Variants in CEP192 observed in about 807,000 individuals in gnomAD.
The protein encoded by CEP192 is centrosomal protein of 192 kDa.
A neutral mutation model predicts 271.8 loss-of-function variants in CEP192; 151 were observed. That is an observed-to-expected ratio of 0.56 (90% CI 0.49 to 0.64). The LOEUF (loss-of-function observed/expected upper bound fraction) is 0.64. Among genes scored for constraint, CEP192 ranks in the 30% least tolerant of loss-of-function variants. The probability of loss-of-function intolerance (pLI) is 0.00; values close to 1 mark genes in which losing one functional copy is unlikely to be tolerated. For synonymous variants in CEP192, 995 were observed against 1,076.5 expected (o/e 0.92, Z 1.48); for missense variants, 2,910 against 3,020.5 (o/e 0.96, Z 0.86).
intron 14 of CEP192, among the ~76,000 whole-genome samples, chr18:13,041,767 T>C (rs760172089): frequency 2.6e-5 from 4 of 152,142 alleles, no homozygotes; most frequent in Non-Finnish European, 5.9e-5. Context: ...GGTTTCCCCA[T>C]GTTGGCCAGG....
intron 1 of CEP192, among the ~76,000 whole-genome samples, chr18:12,996,074 T>C (rs929238812): frequency 9.2e-5 from 14 of 152,184 alleles, no homozygotes; most frequent in Middle Eastern, 3.4e-3. Context: ...TGAGGACGTT[T>C]CAGTAATGTT....
chr18:13,003,517 C>T (rs552828882), intron 3 of CEP192, among the ~76,000 whole-genome samples: 5 of 149,954 alleles, frequency 3.3e-5, no homozygotes, highest in Non-Finnish European at 5.9e-5. Flanking sequence ...ACTATGTGGA[C>T]GCCAGGGGGA....
At chr18:13,037,204 T>G (rs1184630875) in intron 11 of CEP192, 33 bp from the exon 12 acceptor site, 3 of 860,428 alleles carry the variant, frequency 3.5e-6, no homozygotes, top group Non-Finnish European at 5.7e-6. Flanking sequence ...TAGGCATTAG[T>G]GTAATGTATT....
At chr18:13,018,906 T>C (rs2034821142) in intron 8 of CEP192, among the ~76,000 whole-genome samples, 176 bp from the exon 9 acceptor site, 1 of 152,200 alleles carries the variant, frequency 6.6e-6, no homozygotes, top group East Asian at 1.9e-4. Context: ...CAGTTTATCA[T>C]GTTTATTATT....
chr18:13,110,430 GA>G (rs2040156952), intron 40 of CEP192, among the ~76,000 whole-genome samples: 1 of 143,976 alleles, frequency 6.9e-6, no homozygotes. Flanking sequence ...ATAATCAATT[GA>G]TTTTTTTTTT....
intron 9 of CEP192, chr18:13,024,254 C>G (rs952525448): frequency 2.2e-6 from 1 of 452,854 alleles, no homozygotes; most frequent in Non-Finnish European, 4.4e-6. Flanking sequence ...CCTGCCTTAT[C>G]TCTGATAACT....
At chr18:13,075,633 G>C (rs2038231337) in intron 30 of CEP192, among the ~76,000 whole-genome samples, 1 of 152,186 alleles carries the variant, frequency 6.6e-6, no homozygotes, top group Non-Finnish European at 1.5e-5. Context: ...CCAGCCTCCA[G>C]AACTGTGAAG....
chr18:13,036,921 A>G (rs2035951821), intron 11 of CEP192, among the ~76,000 whole-genome samples: 1 of 152,226 alleles, frequency 6.6e-6, no homozygotes, highest in South Asian at 2.1e-4. Context: ...GCATTCATGG[A>G]TGAGTGCCTC....
intron 21 of CEP192, among the ~76,000 whole-genome samples, chr18:13,061,603 G>A (rs1017351333): frequency 6.6e-6 from 1 of 152,164 alleles, no homozygotes; most frequent in African/African-American, 2.4e-5. Context: ...GTTGATATTT[G>A]CACATATTAT....
At chr18:13,072,448 G>A (rs575255705) in intron 28 of CEP192, among the ~76,000 whole-genome samples, 20 of 152,242 alleles carry the variant, frequency 1.3e-4, no homozygotes, top group Admixed American at 1.2e-3. Context: ...TTCTTCACCT[G>A]GATTTTCATT....
chr18:13,070,970 A>G, intron 27 of CEP192, 69 bp from the exon 28 acceptor site: 1 of 1,305,996 alleles, frequency 7.7e-7, no homozygotes, highest in African/African-American at 1.5e-5. Context: ...GGACAATGGA[A>G]ACATATAGGA....
intron 3 of CEP192, among the ~76,000 whole-genome samples, chr18:13,006,572 T>G (rs2033993168): frequency 6.6e-6 from 1 of 152,236 alleles, no homozygotes; most frequent in Non-Finnish European, 1.5e-5. Context: ...TTCTGTAAAC[T>G]GTTCCTTTTC....
At chr18:13,048,720 C>A in intron 15 of CEP192, 139 bp from the exon 16 acceptor site, 1 of 616,192 alleles carries the variant, frequency 1.6e-6, no homozygotes, top group South Asian at 2.2e-5. Context: ...TGATTTATGG[C>A]AGTCGGATTT....
At chr18:13,007,057 C>T (rs969349548) in intron 3 of CEP192, among the ~76,000 whole-genome samples, 1 of 152,170 alleles carries the variant, frequency 6.6e-6, no homozygotes, top group Non-Finnish European at 1.5e-5. Flanking sequence ...AGTCAAGGAA[C>T]ATTTTTGTGT....
At chr18:13,026,528 CATATGTT>C (rs2035310382) in intron 9 of CEP192, among the ~76,000 whole-genome samples, 1 of 152,076 alleles carries the variant, frequency 6.6e-6, no homozygotes, top group Admixed American at 6.6e-5. Context: ...CTCTGTTATG[CATATGTT>C]ATACATTTTG....
chr18:13,020,284 A>G (rs1411036892), intron 9 of CEP192, among the ~76,000 whole-genome samples: 1 of 152,122 alleles, frequency 6.6e-6, no homozygotes, highest in Non-Finnish European at 1.5e-5. Context: ...TTCTGTCTCT[A>G]TGAATTTGCC....
intron 44 of CEP192, among the ~76,000 whole-genome samples, chr18:13,117,861 C>T (rs2040503820): frequency 6.6e-6 from 1 of 152,218 alleles, no homozygotes; most frequent in Non-Finnish European, 1.5e-5. Context: ...TGCCACAGTG[C>T]ACAGCATTTG....
intron 21 of CEP192, among the ~76,000 whole-genome samples, chr18:13,065,598 C>T (rs1159734348): frequency 6.6e-6 from 1 of 152,140 alleles, no homozygotes; most frequent in Admixed American, 6.5e-5. Context: ...AATACTATTC[C>T]TATGCAGCTC....
At chr18:13,059,517 A>G (rs1461381654) in intron 21 of CEP192, among the ~76,000 whole-genome samples, 1 of 152,208 alleles carries the variant, frequency 6.6e-6, no homozygotes. Context: ...ACTTGCTTAG[A>G]TATCTATAAA....
Sources: gnomAD v4.1 joint callset for allele counts (sites outside exome capture counted in the v4.1 genomes callset) on GRCh38, gnomAD v4.1.1 for gene constraint, MANE v1.5 for transcripts, NCBI Gene and HGNC (gene_info 2026-07-23, HGNC 2026-07-21) for gene names.